KIAA0825: variants seen among roughly 807,000 people sequenced by gnomAD.
KIAA0825 encodes the protein uncharacterized protein KIAA0825.
Under a neutral mutation model 147.6 loss-of-function variants are expected in KIAA0825, and 119 were observed. The observed-to-expected ratio is 0.81, with a 90% CI of 0.69 to 0.94. KIAA0825 has a LOEUF of 0.94. Ranked by LOEUF, KIAA0825 falls within the 40% of genes least tolerant of loss-of-function variation. The pLI, the probability that KIAA0825 is intolerant of heterozygous loss-of-function variation, is 0.00. For missense variants in KIAA0825, 1,381 were observed against 1,472.7 expected (o/e 0.94, Z 1.02); for synonymous variants, 470 against 518.1 (o/e 0.91, Z 1.26).
chr5:94,603,533 C>T (rs1356169040), intron 1 of KIAA0825, among the ~76,000 whole-genome samples: 6 of 152,106 alleles, frequency 3.9e-5, no homozygotes, highest in Non-Finnish European at 8.8e-5. Flanking sequence ...GCATAATAAC[C>T]AGCTAGCATC....
In KIAA0825 at chr5:94,540,464, C is replaced by T. The variant is rs374551758; in HGVS notation, c.-1-3337G>A. On this transcript the variant is annotated intron_variant, in intron 2 of 20. Transcript: ENST00000682413. Reference sequence around the variant, plus strand: ...CCTTGTAACCACATGGCAGTACTTTCTCTTGGTCTCTGCCATCACAATGGT... The same window carrying T: ...CCTTGTAACCACATGGCAGTACTTTTTCTTGGTCTCTGCCATCACAATGGT... Among the ~76,000 whole-genome samples, 163 of 152,332 alleles carry T rather than the reference C, an allele frequency of 1.1e-3. 1 individual carries two copies. Among genetic ancestry groups the T allele is most frequent in the African/African-American group, 3.6e-3 (148 of 41,576 alleles).
chr5:94,479,188 C>A (rs904405555), intron 6 of KIAA0825, among the ~76,000 whole-genome samples: 1 of 152,078 alleles, frequency 6.6e-6, no homozygotes, highest in Admixed American at 6.6e-5. Context: ...ATGTACCCCC[C>A]ATTACTCTGT....
intron 20 of KIAA0825, among the ~76,000 whole-genome samples, chr5:94,290,915 G>C (rs576718314): frequency 1.3e-4 from 20 of 152,098 alleles, no homozygotes; most frequent in African/African-American, 4.8e-4. Flanking sequence ...ATGTTTCTTG[G>C]CCACATGAAT....
At chr5:94,290,006 A>G (rs1777817966) in intron 20 of KIAA0825, among the ~76,000 whole-genome samples, 1 of 151,524 alleles carries the variant, frequency 6.6e-6, no homozygotes, top group Non-Finnish European at 1.5e-5. Context: ...GCACAGTGAG[A>G]CAAAAGCCCT....
intron 17 of KIAA0825, among the ~76,000 whole-genome samples, chr5:94,392,016 T>A (rs1465398689): frequency 1.3e-5 from 2 of 152,240 alleles, no homozygotes; most frequent in Non-Finnish European, 2.9e-5. Flanking sequence ...AACAAAACAT[T>A]TCTTTTTATG....
chr5:94,511,819 C>A (rs1462980708), intron 5 of KIAA0825, among the ~76,000 whole-genome samples: 3 of 151,610 alleles, frequency 2.0e-5, no homozygotes, highest in African/African-American at 7.3e-5. Flanking sequence ...GAAACCTTGT[C>A]TCTACTAAAA....
intron 20 of KIAA0825, among the ~76,000 whole-genome samples, chr5:94,360,374 T>C (rs1744898537): frequency 6.6e-6 from 1 of 152,180 alleles, no homozygotes; most frequent in Non-Finnish European, 1.5e-5. Context: ...CCAGAGCAAC[T>C]GCATCTTGAA....
At chr5:94,311,099 T>G (rs1348770600) in intron 20 of KIAA0825, among the ~76,000 whole-genome samples, 2 of 151,670 alleles carry the variant, frequency 1.3e-5, no homozygotes, top group Non-Finnish European at 3.0e-5. Flanking sequence ...CCATTGCATT[T>G]TTTTTCAGTA....
chr5:94,257,004 CAAAT>C, intron 20 of KIAA0825, among the ~76,000 whole-genome samples: 1 of 151,456 alleles, frequency 6.6e-6, no homozygotes, highest in East Asian at 1.9e-4. Flanking sequence ...GTGGAATGCT[CAAAT>C]AAATGAAAAA....
intron 2 of KIAA0825, among the ~76,000 whole-genome samples, chr5:94,581,216 A>T (rs374645875): frequency 1.3e-5 from 2 of 152,224 alleles, no homozygotes; most frequent in East Asian, 1.9e-4. Context: ...GTACAAGAGG[A>T]ATAAAATTTG....
At chr5:94,388,129 A>G (rs1749419643) in intron 18 of KIAA0825, among the ~76,000 whole-genome samples, 1 of 152,194 alleles carries the variant, frequency 6.6e-6, no homozygotes, top group Non-Finnish European at 1.5e-5. Context: ...ACCTCAGATC[A>G]TCAGGCATTA....
chr5:94,477,160 C>G lies in KIAA0825; in HGVS notation c.1178G>C (p.Arg393Thr). 6.5e-7 allele frequency: 1 copy of G among 1,550,300 alleles called. No individual in the cohort carries two copies. The highest frequency in any genetic ancestry group is 2.5e-5 in the East Asian group (1 of 40,796). ...GGAAGGAATATTGGTTTCGTTTGCT[C>G]TAGGTTTTTCCATTACAACCTCTCT... is the stretch of plus-strand genomic sequence containing the variant. ...SDREVVMEKP[R>T]ANETNIPSEQ... The change falls in exon 7 of 21, where the codon AGA becomes ACA. Residue 393 changes from arginine to threonine, a missense_variant. By Grantham distance (71) the Arg-to-Thr change is moderately conservative. Transcript: ENST00000682413.
intron 5 of KIAA0825, among the ~76,000 whole-genome samples, chr5:94,491,907 G>T (rs956349552): frequency 6.6e-6 from 1 of 152,168 alleles, no homozygotes; most frequent in Non-Finnish European, 1.5e-5. Flanking sequence ...GAAGTTAAGT[G>T]AAAATGTAAC....
chr5:94,185,115 C>T (rs1562300626), intron 20 of KIAA0825, among the ~76,000 whole-genome samples: 1 of 152,130 alleles, frequency 6.6e-6, no homozygotes, highest in Non-Finnish European at 1.5e-5. Context: ...AAGGGCAGCC[C>T]CAATGCACCA....
rs1053883138 is a variant in KIAA0825, at chr5:94,384,472, A to T, written c.3620-14T>A. 3.9e-6 allele frequency: 6 copies of T among 1,542,284 alleles called. No homozygotes were observed. In the Admixed American group the frequency reaches 7.8e-5, roughly 20 times the overall value. On this transcript the variant is annotated splice_polypyrimidine_tract_variant and intron_variant, in intron 19 of 20. Transcript: ENST00000682413. Reference sequence around the variant, plus strand: ...ATTTTGTGATGGCTGACTGTTGATAAATGAGAAGACACTATTGTTAGTTAT... The same window carrying T: ...ATTTTGTGATGGCTGACTGTTGATATATGAGAAGACACTATTGTTAGTTAT...
intron 3 of KIAA0825, among the ~76,000 whole-genome samples, chr5:94,531,357 A>G (rs1217054317): frequency 6.6e-6 from 1 of 152,206 alleles, no homozygotes; most frequent in Admixed American, 6.5e-5. Context: ...ATGATGATGA[A>G]AAAATGGTTC....
At chr5:94,532,849 G>C (rs1002348258) in intron 3 of KIAA0825, among the ~76,000 whole-genome samples, 1 of 150,558 alleles carries the variant, frequency 6.6e-6, no homozygotes, top group Non-Finnish European at 1.5e-5. Flanking sequence ...AAGTAGTCCA[G>C]CTGCATTGGT....
At chr5:94,166,258 G>A (rs1768020488) in intron 20 of KIAA0825, among the ~76,000 whole-genome samples, 1 of 152,182 alleles carries the variant, frequency 6.6e-6, no homozygotes, top group African/African-American at 2.4e-5. Context: ...CAGACAGAGA[G>A]CGTTCATTAT....
chr5:94,378,950 T>C (rs1747983628), intron 20 of KIAA0825, among the ~76,000 whole-genome samples: 2 of 152,226 alleles, frequency 1.3e-5, no homozygotes, highest in East Asian at 3.9e-4. Flanking sequence ...TTAATGGGGT[T>C]GTTTGCTTTT....
Sources: gnomAD v4.1 joint callset for allele counts (sites outside exome capture counted in the v4.1 genomes callset) on GRCh38, gnomAD v4.1.1 for gene constraint, MANE v1.5 for transcripts, NCBI Gene and HGNC (gene_info 2026-07-23, HGNC 2026-07-21) for gene names.